Variants in SULF2 observed in about 807,000 individuals in gnomAD.
The protein encoded by SULF2 is sulfatase 2, also known as extracellular sulfatase Sulf-2.
SULF2 carries 52 observed loss-of-function variants against 107.7 expected under a neutral mutation model. The observed-to-expected ratio is 0.48, with a 90% CI of 0.39 to 0.61. The LOEUF (loss-of-function observed/expected upper bound fraction) is 0.61. Among genes scored for constraint, SULF2 ranks in the 20% least tolerant of loss-of-function variants. The pLI, the probability that SULF2 is intolerant of heterozygous loss-of-function variation, is 0.00. For synonymous variants in SULF2, 460 were observed against 464.3 expected (o/e 0.99, Z 0.12); for missense variants, 993 against 1,177.3 (o/e 0.84, Z 2.29).
At chr20:47,752,651 T>C (rs1177830719) in intron 2 of SULF2, among the ~76,000 whole-genome samples, 2 of 151,372 alleles carry the variant, frequency 1.3e-5, no homozygotes, top group Non-Finnish European at 2.9e-5. Flanking sequence ...CTTCGGGGGC[T>C]GGGGTAAGAG....
intron 2 of SULF2, among the ~76,000 whole-genome samples, chr20:47,749,009 G>GTT (rs201472545): frequency 6.8e-6 from 1 of 146,250 alleles, no homozygotes. Flanking sequence ...TTCTGAAGTG[G>GTT]TTTTTTTTTT....
In SULF2 at chr20:47,666,411, C is replaced by T. The variant is rs1251390378; in HGVS notation, c.1654G>A (p.Gly552Ser). Reference sequence around the variant, plus strand: ...CGGGGCTGGGCGGCATCACCCAGGCCTACGTGGTACACCCTGCCGTCCACC... The same window carrying T: ...CGGGGCTGGGCGGCATCACCCAGGCTTACGTGGTACACCCTGCCGTCCACC... ...IEVDGRVYHV[G>S]LGDAAQPRNL... The change falls in exon 12 of 21, where the codon GGC becomes AGC. Residue 552 changes from glycine (G) to serine (S), a missense_variant. Transcript: ENST00000688720. The surrounding 1 kb of genome is among the most constrained non-coding windows in gnomAD (Gnocchi z 5.4). The T allele has an allele frequency of 1.3e-5, 21 of 1,613,988 alleles. No individual in the cohort carries two copies. The highest frequency in any genetic ancestry group is 1.7e-5 in the Non-Finnish European group (20 of 1,180,046).
intron 1 of SULF2, among the ~76,000 whole-genome samples, chr20:47,769,329 C>T (rs1368944981): frequency 5.3e-5 from 8 of 151,596 alleles, no homozygotes; most frequent in Non-Finnish European, 1.0e-4. Flanking sequence ...CGTGAGCCAC[C>T]GCGCCCGGCC....
At chr20:47,690,056 T>C in intron 5 of SULF2, 70 bp downstream of exon 5, 2 of 1,309,914 alleles carry the variant, frequency 1.5e-6, no homozygotes, top group Non-Finnish European at 2.0e-6. Context: ...GTGACAGTAC[T>C]GTTGCTAAAG....
chr20:47,689,013 C>T (rs1368169962), intron 5 of SULF2, among the ~76,000 whole-genome samples: 1 of 152,004 alleles, frequency 6.6e-6, no homozygotes, highest in East Asian at 1.9e-4. Context: ...GAGAACTTTC[C>T]AGGAAGTTTC....
intron 3 of SULF2, among the ~76,000 whole-genome samples, chr20:47,716,112 A>G (rs1282477170): frequency 6.6e-6 from 1 of 152,202 alleles, no homozygotes; most frequent in Non-Finnish European, 1.5e-5. Flanking sequence ...TATGGTCAAA[A>G]TTTATTAAGG....
rs553866041 is a variant in SULF2 at position 47,771,142 on chromosome 20, T to C, written c.-100-13679A>G. Among the ~76,000 whole-genome samples the C allele has an allele frequency of 2.4e-4, 36 of 152,292 alleles. 2 individuals are homozygous for C. The South Asian group carries it at 7.2e-3, about 31-fold the overall frequency. ...GCAGTACATCCTCCCTCCTAGGAAG[T>C]GAAACCCGATCTGATCCCTGGCTGT... On this transcript the variant is annotated intron_variant, in intron 1 of 20. Coordinates refer to ENST00000688720, the MANE Select transcript of SULF2 (RefSeq NM_001387048.1).
chr20:47,688,789 C>A (rs1055279015), intron 5 of SULF2, among the ~76,000 whole-genome samples: 1 of 151,950 alleles, frequency 6.6e-6, no homozygotes, highest in African/African-American at 2.4e-5. Flanking sequence ...GTGAACAGTG[C>A]CTTCGGTACC....
intron 3 of SULF2, among the ~76,000 whole-genome samples, chr20:47,719,802 T>C (rs1293889104): frequency 2.6e-5 from 4 of 152,190 alleles, no homozygotes; most frequent in African/African-American, 9.7e-5. Context: ...CCAAAGCAGC[T>C]ACAGACAGTA....
intron 1 of SULF2, among the ~76,000 whole-genome samples, chr20:47,774,937 G>A (rs6066464): frequency 2.6e-5 from 4 of 152,210 alleles, no homozygotes; most frequent in Non-Finnish European, 5.9e-5. Context: ...TCCTTCAGGA[G>A]GCTGCTAGTA....
At chr20:47,783,663 GCCCAAAC>G (rs1197763116) in intron 1 of SULF2, among the ~76,000 whole-genome samples, 4 of 152,138 alleles carry the variant, frequency 2.6e-5, no homozygotes, top group South Asian at 2.1e-4. Context: ...TACACACAAA[GCCCAAAC>G]CCCAAACCCA....
intron 4 of SULF2, among the ~76,000 whole-genome samples, chr20:47,698,170 C>T (rs1480058575): frequency 6.6e-6 from 1 of 152,208 alleles, no homozygotes; most frequent in African/African-American, 2.4e-5. Context: ...CCGGGGTTTC[C>T]AGAACAGAAG....
intron 3 of SULF2, among the ~76,000 whole-genome samples, chr20:47,732,671 G>A (rs1397078355): frequency 1.3e-5 from 2 of 152,058 alleles, no homozygotes; most frequent in African/African-American, 4.8e-5. Context: ...GTGAAACCCC[G>A]TCTCTATTAA....
intron 3 of SULF2, among the ~76,000 whole-genome samples, chr20:47,723,415 C>T (rs1018638390): frequency 5.3e-5 from 8 of 152,112 alleles, no homozygotes; most frequent in South Asian, 2.1e-4. Flanking sequence ...GGAAGTTCTC[C>T]GCAGTGTGTG....
rs578060732 is a variant in SULF2, at chr20:47,695,853, T to G, written c.568-5558A>C. On this transcript the variant is annotated intron_variant, in intron 4 of 20. Transcript: ENST00000688720. ...GTCTCGAACTCCTGGCCTCAAGTGA[T>G]CCGCCTGGTTTGGCCTCCCAAAGTG... Among the ~76,000 whole-genome samples, 8 of 152,362 alleles carry G rather than the reference T, an allele frequency of 5.3e-5. No individual in the cohort carries two copies. In the South Asian group the frequency reaches 1.7e-3, roughly 32 times the overall value.
At chr20:47,775,136 C>T (rs1306679363) in intron 1 of SULF2, among the ~76,000 whole-genome samples, 1 of 152,174 alleles carries the variant, frequency 6.6e-6, no homozygotes, top group Non-Finnish European at 1.5e-5. Context: ...GTGTGGGCCC[C>T]ACCTCATGAA....
At chr20:47,727,972 G>A (rs572911498) in intron 3 of SULF2, among the ~76,000 whole-genome samples, 2 of 152,328 alleles carry the variant, frequency 1.3e-5, no homozygotes, top group East Asian at 1.9e-4. Flanking sequence ...CGTGCCTCTC[G>A]AGGACACGCT....
intron 3 of SULF2, among the ~76,000 whole-genome samples, chr20:47,714,644 C>T (rs77991224): frequency 0.021 from 3,238 of 152,298 alleles, 111 homozygotes; most frequent in African/African-American, 0.067. Context: ...GTGCAAAGCC[C>T]TTCAGTGGCT....
chr20:47,774,510 C>T (rs1225539777), intron 1 of SULF2, among the ~76,000 whole-genome samples: 1 of 152,174 alleles, frequency 6.6e-6, no homozygotes, highest in African/African-American at 2.4e-5. Flanking sequence ...TAGGAGTTGA[C>T]TTTGCCCCGT....
Sources: allele counts gnomAD v4.1 joint callset (sites outside exome capture counted in the v4.1 genomes callset), GRCh38; gene constraint gnomAD v4.1.1; non-coding constraint Gnocchi (gnomAD v3.1); transcripts MANE v1.5; gene names NCBI Gene and HGNC (gene_info 2026-07-23, HGNC 2026-07-21).